Variants in SRRT observed in about 807,000 individuals in gnomAD.
The protein encoded by SRRT is serrate RNA effector molecule homolog.
In SRRT, 32 loss-of-function variants were observed where a neutral mutation model predicts 103.2. The observed-to-expected ratio is 0.31, with a 90% CI of 0.23 to 0.42. The LOEUF is 0.42. Ranked by LOEUF, SRRT falls within the 10% of genes least tolerant of loss-of-function variation. The pLI, the probability that SRRT is intolerant of heterozygous loss-of-function variation, is 1.00. For missense variants in SRRT, 986 were observed against 1,207.5 expected, an observed-to-expected ratio of 0.82 and a Z score of 2.72; for synonymous variants, 525 against 449.0, an observed-to-expected ratio of 1.17 and a Z score of -2.14.
rs750835869 is a variant in SRRT at position 100,886,806 on chromosome 7, G to C, written c.1659G>C (p.Ser553=). ...GTPPLPTSLP[S]QNPILKNITD... is the part of the protein sequence containing the mutation. ...CTTCCTCCCATCAGAGCCTGCCCTC[G>C]CAAAACCCGATCTTGAAGAATATCA... Residue 553 remains serine, a synonymous_variant, in exon 14 of 20, where the codon TCG becomes TCC. Transcript: ENST00000611405. The C allele has an allele frequency of 1.9e-6, 3 of 1,614,020 alleles. No homozygotes were observed. The South Asian group carries it at 3.3e-5, about 18-fold the overall frequency.
intron 2 of SRRT, among the ~76,000 whole-genome samples, chr7:100,879,906 C>G (rs183083264): frequency 6.6e-6 from 1 of 151,866 alleles, no homozygotes; most frequent in Admixed American, 6.6e-5. Flanking sequence ...GGTGACTGGT[C>G]GAGAGGCTGG....
chr7:100,883,863 C>T (rs1199089673), intron 5 of SRRT, among the ~76,000 whole-genome samples: 1 of 152,200 alleles, frequency 6.6e-6, no homozygotes, highest in Non-Finnish European at 1.5e-5. Flanking sequence ...GGTTCTCCCC[C>T]AAATCTTCAC....
At chr7:100,884,625 C>G in intron 7 of SRRT, 73 bp downstream of exon 7, 2 of 1,443,088 alleles carry the variant, frequency 1.4e-6, no homozygotes, top group East Asian at 2.4e-5. Context: ...TCCATAGGAG[C>G]TAGAAGTAGG....
intron 2 of SRRT, among the ~76,000 whole-genome samples, chr7:100,880,371 C>T (rs568594646): frequency 5.3e-5 from 8 of 152,156 alleles, no homozygotes; most frequent in East Asian, 3.9e-4. Context: ...GGCGCGATCT[C>T]GGCTCACTGC....
rs745519524 is a variant in SRRT, at chr7:100,885,829, G to A, written c.1380-34G>A. The stretch of plus-strand genomic sequence containing the variant: ...GTTAATGGCCAACACCAACTCCCTC[G>A]CTTGACTATGCTAACATTTTCTTTC... On this transcript the variant is annotated intron_variant, in intron 11 of 19. Transcript: ENST00000611405. The surrounding 1 kb of genome is among the most constrained non-coding windows in gnomAD (Gnocchi z 4.8). The A allele has an allele frequency of 8.7e-6, 14 of 1,613,922 alleles. No homozygotes were observed. Among genetic ancestry groups the A allele is most frequent in the Admixed American group, 3.3e-5 (2 of 60,004 alleles).
Position 100,887,777 on chromosome 7 carries a change from G to A in SRRT, c.2244G>A (p.Ala748=), listed in dbSNP as rs752301636. 39 of 1,613,478 alleles carry A rather than the reference G, an allele frequency of 2.4e-5. No individual in the cohort carries two copies. The highest frequency in any genetic ancestry group is 1.5e-4 in the Admixed American group (9 of 59,984). ...EKIEEVKKEV[A]FFNNFLTDAK... Reference sequence around the variant, plus strand: ...TTGAGGAAGTGAAAAAGGAAGTCGCGTTTTTTAACAACTTCCTCACTGATG... The same window carrying A: ...TTGAGGAAGTGAAAAAGGAAGTCGCATTTTTTAACAACTTCCTCACTGATG... The change falls in exon 17 of 20, where the codon GCG becomes GCA. Residue 748 remains alanine, a synonymous_variant. Transcript: ENST00000611405. This position sits in a 1 kb window ranked among gnomAD's most constrained non-coding sequence, Gnocchi z 4.1.
Position 100,886,252 on chromosome 7 carries a change from G to C in SRRT, c.1464G>C (p.Arg488=), listed in dbSNP as rs746690281. The C allele has an allele frequency of 9.3e-6, 15 of 1,611,064 alleles. No individual in the cohort carries two copies. The highest frequency in any genetic ancestry group is 1.2e-5 in the Non-Finnish European group (14 of 1,179,224). The change falls in exon 13 of 20, where the codon CGG becomes CGC. Residue 488 remains arginine (R), a synonymous_variant. Transcript: ENST00000611405. Reference sequence around the variant, plus strand: ...TGATGATGTCTGCCCTCCAGCTCCGGGAGTGTGAGCTGAGCCCTGGTGTGA... The same window carrying C: ...TGATGATGTCTGCCCTCCAGCTCCGCGAGTGTGAGCTGAGCCCTGGTGTGA... ...ICWNLQNIRL[R]ECELSPGVNR...
rs1789959602 is a variant in SRRT at position 100,885,088 on chromosome 7, G to A, written c.1159+48G>A. ...AAGTGCGTTCTCCTAATGCGGGTGG[G>A]GAGGTGAGAGGTTGGCGACATTGAC... On this transcript the variant is annotated intron_variant, in intron 9 of 19. Transcript: ENST00000611405. This position sits in a 1 kb window ranked among gnomAD's most constrained non-coding sequence, Gnocchi z 4.8. The A allele has an allele frequency of 6.2e-7, 1 of 1,609,974 alleles. No individual in the cohort carries two copies. Among genetic ancestry groups the A allele is most frequent in the African/African-American group, 1.3e-5 (1 of 74,794 alleles).
Position 100,882,250 on chromosome 7 carries a change from C to T in SRRT, c.587+9C>T, listed in dbSNP as rs534547251. On this transcript the variant is annotated intron_variant, in intron 5 of 19. Coordinates refer to ENST00000611405, the MANE Select transcript of SRRT (RefSeq NM_015908.6). This position sits in a 1 kb window ranked among gnomAD's most constrained non-coding sequence, Gnocchi z 4.2. ...CACAAAGATGAGGAGTGGTGAGTGC[C>T]CCTACTTCCCTGGACCTCTGCCCTG... The T allele has an allele frequency of 2.2e-4, 361 of 1,612,686 alleles. 5 individuals carry two copies. The South Asian group carries it at 3.9e-3, about 17-fold the overall frequency.
intron 1 of SRRT, 105 bp from the exon 2 acceptor site, chr7:100,875,468 G>C: frequency 6.4e-7 from 1 of 1,559,438 alleles, no homozygotes; most frequent in Non-Finnish European, 8.7e-7. Context: ...GGGCCGCGGA[G>C]GGCTGGCCTT....
rs1789859191 is a variant in SRRT at position 100,884,247 on chromosome 7, G to A, written c.757+8G>A. On this transcript the variant is annotated splice_region_variant and intron_variant, in intron 6 of 19. Coordinates refer to ENST00000611405, the MANE Select transcript of SRRT (RefSeq NM_015908.6). ...TCAAGATGCTGGATGCAGGTGTGCG[G>A]ATTTGGAGGGGTGGCAGGCATCTGG... 1.9e-6 allele frequency: 3 copies of A among 1,614,006 alleles called. No individual in the cohort carries two copies. The highest frequency in any genetic ancestry group is 2.5e-6 in the Non-Finnish European group (3 of 1,180,030).
rs778633535 is a variant in SRRT at position 100,885,954 on chromosome 7, G to T, written c.1458+13G>T. Reference sequence around the variant, plus strand: ...GCAGAACATCCGTGTGAGTGCTGGGGGTGGGACTGTGGGGAAGAGGAAGGG... The same window carrying T: ...GCAGAACATCCGTGTGAGTGCTGGGTGTGGGACTGTGGGGAAGAGGAAGGG... On this transcript the variant is annotated intron_variant, in intron 12 of 19. Transcript: ENST00000611405. The surrounding 1 kb of genome is among the most constrained non-coding windows in gnomAD (Gnocchi z 4.8). 6.2e-7 allele frequency: 1 copy of T among 1,613,558 alleles called. No individual in the cohort carries two copies. The highest frequency in any genetic ancestry group is 1.1e-5 in the South Asian group (1 of 91,050).
chr7:100,885,637 G>T lies in SRRT; in HGVS notation c.1318-64G>T, dbSNP rs1790019340. 6.6e-7 allele frequency: 1 copy of T among 1,512,684 alleles called. No homozygotes were observed. The highest frequency in any genetic ancestry group is 1.2e-5 in the South Asian group (1 of 84,738). The allele number at this position is 1,512,684 out of a possible 1,614,324, so 93.7% of individuals were successfully genotyped here. Reference sequence around the variant, plus strand: ...TCCCTAGGGTTCTGAGGGCAGTGGGGGATTGGAGGAAGAAGCGAATGAATC... The same window carrying T: ...TCCCTAGGGTTCTGAGGGCAGTGGGTGATTGGAGGAAGAAGCGAATGAATC... On this transcript the variant is annotated intron_variant, in intron 10 of 19. Transcript: ENST00000611405. This position sits in a 1 kb window ranked among gnomAD's most constrained non-coding sequence, Gnocchi z 4.8.
At position 100,881,712 on chromosome 7, in the gene SRRT, G is replaced by A. The variant is rs773092336; in HGVS notation, c.305G>A (p.Gly102Glu). The A allele has an allele frequency of 1.2e-6, 2 of 1,613,884 alleles. No individual in the cohort carries two copies. Among genetic ancestry groups the A allele is most frequent in the South Asian group, 1.1e-5 (1 of 91,080 alleles). Residue 102 changes from glycine (G) to glutamate (E), a missense_variant, in exon 4 of 20, where the codon GGG becomes GAG. Transcript: ENST00000611405. ...AGTGGCTATGAGATGCCCTATGCTG[G>A]GGGGGGTGGGGGCCCAACTTATGGC... The part of the protein sequence containing the change: ...YHSGYEMPYA[G>E]GGGGPTYGPP...
At position 100,884,484 on chromosome 7, in the gene SRRT, G is replaced by A. The variant is rs937914351; in HGVS notation, c.874G>A (p.Gly292Arg). ...CAGCAAGAAAGAAGAAGGACGGGCT[G>A]GAGCAGGCCTAGGGGACGGGGAGCG... is the stretch of plus-strand genomic sequence containing the variant. The part of the protein sequence containing the change: ...EPSKKEEGRA[G>R]AGLGDGERKT... The change falls in exon 7 of 20, where the codon GGA becomes AGA. Residue 292 changes from glycine to arginine, a missense_variant. By Grantham distance (125) the Gly-to-Arg change is moderately radical (BLOSUM62 -2). This residue lies in a region of SRRT where 166 missense variants were observed against 148.6 expected (regional missense o/e 1.12). Coordinates refer to ENST00000611405, the MANE Select transcript of SRRT (RefSeq NM_015908.6). 69 of 1,613,828 alleles carry A rather than the reference G, an allele frequency of 4.3e-5. No homozygotes were observed. The highest frequency in any genetic ancestry group is 5.8e-5 in the Non-Finnish European group (68 of 1,179,964).
At chr7:100,877,556 CTG>C (rs1815867595) in intron 2 of SRRT, among the ~76,000 whole-genome samples, 1 of 151,216 alleles carries the variant, frequency 6.6e-6, no homozygotes, top group South Asian at 2.1e-4. Flanking sequence ...GAATCTTGCT[CTG>C]TCACCCAGGC....
intron 2 of SRRT, 39 bp from the exon 3 acceptor site, chr7:100,881,246 G>C (rs1050105781): frequency 3.8e-6 from 6 of 1,593,226 alleles, no homozygotes; most frequent in Admixed American, 3.4e-5. Context: ...GAGCCACTGT[G>C]CCTGGCCTTT....
Position 100,887,381 on chromosome 7 carries a change from ACT to A in SRRT, c.2041_2042del (p.Ser681ArgfsTer31). ...LTPLLSVRESLSEEEAQKMGR... is the reference protein window; with the variant it reads ...LTPLLSVRESXSEEEAQKMGR... ...CGCCGTTGCTGAGTGTGCGGGAGTCACTCTCAGAGGAAGAGGCCCAGAAGATG... is the reference window on the plus strand; with the variant it reads ...CGCCGTTGCTGAGTGTGCGGGAGTCACTCAGAGGAAGAGGCCCAGAAGATG... On this transcript the variant is annotated frameshift_variant, in exon 16 of 20. Transcript: ENST00000611405. LOFTEE classifies it high-confidence loss of function. This position sits in a 1 kb window ranked among gnomAD's most constrained non-coding sequence, Gnocchi z 4.1. The A allele has an allele frequency of 2.5e-6, 4 of 1,614,084 alleles. No individual in the cohort carries two copies. Among genetic ancestry groups the A allele is most frequent in the South Asian group, 1.1e-5 (1 of 91,076 alleles).
rs758513653 is a variant in SRRT at position 100,884,511 on chromosome 7, A to G, written c.901A>G (p.Lys301Glu). Residue 301 changes from lysine (K) to glutamate (E), a missense_variant, in exon 7 of 20, where the codon AAA becomes GAA. Lys to Glu is a moderately conservative substitution (Grantham distance 56, BLOSUM62 1). Coordinates refer to ENST00000611405, the MANE Select transcript of SRRT (RefSeq NM_015908.6). ...AGCAGGCCTAGGGGACGGGGAGCGC[A>G]AAACCAACGACAAGGATGAGAAGAA... ...AGAGLGDGER[K>E]TNDKDEKKED... 3 of 1,611,342 alleles carry G rather than the reference A, an allele frequency of 1.9e-6. No homozygotes were observed. The highest frequency in any genetic ancestry group is 4.5e-5 in the East Asian group (2 of 44,654).
Sources: gnomAD v4.1 joint callset for allele counts (sites outside exome capture counted in the v4.1 genomes callset) on GRCh38, gnomAD v4.1.1 for gene constraint, gnomAD v4.1.1 regional missense constraint, Gnocchi (gnomAD v3.1) non-coding constraint, MANE v1.5 for transcripts, NCBI Gene and HGNC (gene_info 2026-07-23, HGNC 2026-07-21) for gene names.